Variants in PRDM2 observed in about 807,000 individuals in gnomAD.
PRDM2 encodes the protein PR domain zinc finger protein 2.
PRDM2 carries 30 observed loss-of-function variants against 130.0 expected under a neutral mutation model. The ratio of observed to expected loss-of-function variants is 0.23; its 90% confidence interval spans 0.17 to 0.31. The LOEUF is 0.31. PRDM2 is among the 10% of genes least tolerant of loss of function. The pLI is 1.00. For synonymous variants in PRDM2, 871 were observed against 782.4 expected, an observed-to-expected ratio of 1.11 and a Z score of -1.89; for missense variants, 2,011 against 2,108.4, an observed-to-expected ratio of 0.95 and a Z score of 0.90.
At chr1:13,740,098 C>G (rs1242179393) in intron 4 of PRDM2, among the ~76,000 whole-genome samples, 1 of 152,192 alleles carries the variant, frequency 6.6e-6, no homozygotes, top group African/African-American at 2.4e-5. Flanking sequence ...GCCTTAGTCT[C>G]CTTTGAAACA....
At chr1:13,743,789 C>T (rs1643522293) in intron 5 of PRDM2, among the ~76,000 whole-genome samples, 1 of 152,180 alleles carries the variant, frequency 6.6e-6, no homozygotes, top group South Asian at 2.1e-4. Context: ...CACATTTATA[C>T]CCAGGTCCTT....
At chr1:13,753,651 C>T (rs1178822556) in intron 6 of PRDM2, among the ~76,000 whole-genome samples, 2 of 152,112 alleles carry the variant, frequency 1.3e-5, no homozygotes, top group African/African-American at 2.4e-5. Flanking sequence ...AAGTGCAACA[C>T]GGATGGTATA....
intron 2 of PRDM2, among the ~76,000 whole-genome samples, chr1:13,721,039 A>AC (rs147794294): frequency 0.018 from 2,743 of 152,302 alleles, 63 homozygotes; most frequent in South Asian, 0.12. Flanking sequence ...GCCCAAGGTC[A>AC]CTACTGATCG....
chr1:13,799,467 A>G (rs1437281099), intron 8 of PRDM2, among the ~76,000 whole-genome samples: 1 of 151,992 alleles, frequency 6.6e-6, no homozygotes, highest in Non-Finnish European at 1.5e-5. Flanking sequence ...AAAAGTGAGA[A>G]CATTTTGCAA....
chr1:13,739,456 C>T (rs1444149137), intron 4 of PRDM2, among the ~76,000 whole-genome samples: 3 of 152,082 alleles, frequency 2.0e-5, no homozygotes, highest in Non-Finnish European at 4.4e-5. Context: ...AGAAATAATG[C>T]ATGTTTATTG....
At position 13,731,208 on chromosome 1, in the gene PRDM2, A is replaced by G. The variant is rs951228291; in HGVS notation, c.127+91A>G. Reference sequence around the variant, plus strand: ...CAGGGGCATGTCAGGTAGGGAGCGCACCATAAAAGCAGCAATTTACCCTTG... The same window carrying G: ...CAGGGGCATGTCAGGTAGGGAGCGCGCCATAAAAGCAGCAATTTACCCTTG... On this transcript the variant is annotated intron_variant, in intron 3 of 9. Coordinates refer to ENST00000311066, the MANE Select transcript of PRDM2 (RefSeq NM_001393986.1). 4.8e-5 allele frequency: 47 copies of G among 987,230 alleles called. No homozygotes were observed. In the Admixed American group the frequency reaches 8.9e-4, roughly 19 times the overall value. 61.2% of individuals were successfully genotyped at this position (987,230 alleles called of 1,614,324 possible).
At chr1:13,708,735 A>G (rs547650841) in intron 1 of PRDM2, among the ~76,000 whole-genome samples, 2 of 152,274 alleles carry the variant, frequency 1.3e-5, no homozygotes, top group Admixed American at 1.3e-4. Context: ...TGTATATGAT[A>G]TACTCTGTGT....
chr1:13,817,796 G>T (rs756158663), intron 9 of PRDM2, among the ~76,000 whole-genome samples: 1 of 152,020 alleles, frequency 6.6e-6, no homozygotes, highest in Non-Finnish European at 1.5e-5. Context: ...TCAGGAGATC[G>T]AGACCATCCT....
chr1:13,791,852 T>A (rs575971461), intron 8 of PRDM2, among the ~76,000 whole-genome samples: 2 of 152,258 alleles, frequency 1.3e-5, no homozygotes, highest in Non-Finnish European at 2.9e-5. Context: ...ATTTCTGCCT[T>A]CCTTATGTCA....
chr1:13,743,399 CAAAAA>C (rs70984282), intron 5 of PRDM2, among the ~76,000 whole-genome samples: 2 of 41,784 alleles, frequency 4.8e-5, no homozygotes, highest in Non-Finnish European at 8.6e-5. Flanking sequence ...GACTCTGTCT[CAAAAA>C]AAAAAAAAAA....
intron 6 of PRDM2, among the ~76,000 whole-genome samples, chr1:13,769,872 A>AATCTTCTCCCCAGGGGAC (rs1220858683): frequency 6.6e-6 from 1 of 152,158 alleles, no homozygotes; most frequent in African/African-American, 2.4e-5. Context: ...AACCTGGGGA[A>AATCTTCTCCCCAGGGGAC]ATCTTCTCCC....
intron 6 of PRDM2, among the ~76,000 whole-genome samples, chr1:13,758,179 C>G (rs1334738973): frequency 6.6e-6 from 1 of 152,046 alleles, no homozygotes; most frequent in Non-Finnish European, 1.5e-5. Context: ...CGCGGTGGCT[C>G]ACACCTGTAA....
In PRDM2 at chr1:13,780,492, C is replaced by T. The variant is rs570400575; in HGVS notation, c.2697C>T (p.Ile899=). 105 of 1,614,172 alleles carry T rather than the reference C, an allele frequency of 6.5e-5. No homozygotes were observed. The highest frequency in any genetic ancestry group is 4.2e-4 in the South Asian group (38 of 91,068). ...TTCTTCTCAATGAATATAATGGCAT[C>T]GATTTACCTGTAGAAAACCCTGCAG... The part of the protein sequence containing the change: ...QKVLLNEYNG[I]DLPVENPADG... The change falls in exon 8 of 10, where the codon ATC becomes ATT. Residue 899 remains isoleucine (I), a synonymous_variant. Coordinates refer to ENST00000311066, the MANE Select transcript of PRDM2 (RefSeq NM_001393986.1).
chr1:13,806,261 C>T lies in PRDM2; in HGVS notation c.5037-10166C>T, dbSNP rs193179798. ...CCGCCTCCATCCCTGGGCTCTGTCC[C>T]CCGCATCCCGCCTCCATCCCTGGGC... is the stretch of plus-strand genomic sequence containing the variant. On this transcript the variant is annotated intron_variant, in intron 8 of 9. Transcript: ENST00000311066. The surrounding 1 kb of genome is among the most constrained non-coding windows in gnomAD (Gnocchi z 4.1). 2.8e-3 allele frequency among the ~76,000 whole-genome samples: 433 copies of T among 152,178 alleles called. 3 individuals are homozygous for T. The highest frequency in any genetic ancestry group is 9.6e-3 in the African/African-American group (400 of 41,510).
intron 7 of PRDM2, 31 bp downstream of exon 7, chr1:13,773,219 T>C: frequency 7.7e-7 from 1 of 1,295,596 alleles, no homozygotes; most frequent in South Asian, 1.4e-5. Context: ...TGGTCTGAAT[T>C]GGGTGTGTAT....
At chr1:13,705,237 G>C (rs2495061) in intron 1 of PRDM2, 125,807 of 152,170 alleles carry the variant, frequency 0.83, 52,608 homozygotes, top group African/African-American at 0.96. Flanking sequence ...TAGTCTTTTT[G>C]ATCGGGATGG....
At chr1:13,733,761 C>G (rs1548232) in intron 4 of PRDM2, among the ~76,000 whole-genome samples, 26,522 of 152,156 alleles carry the variant, frequency 0.17, 2,918 homozygotes, top group Admixed American at 0.24. Flanking sequence ...CAAGTCAGTG[C>G]CCCCTGGAAG....
chr1:13,749,863 C>G (rs1643760355), intron 6 of PRDM2, among the ~76,000 whole-genome samples: 1 of 152,120 alleles, frequency 6.6e-6, no homozygotes, highest in Non-Finnish European at 1.5e-5. Flanking sequence ...CAGCCGCGCG[C>G]ACGGCGGGCG....
intron 6 of PRDM2, among the ~76,000 whole-genome samples, chr1:13,766,180 G>C (rs1239368576): frequency 6.6e-6 from 1 of 152,144 alleles, no homozygotes; most frequent in Non-Finnish European, 1.5e-5. Flanking sequence ...CCTAGGGTCT[G>C]TGCCCTCAGC....
Sources: gnomAD v4.1 joint callset for allele counts (sites outside exome capture counted in the v4.1 genomes callset) on GRCh38, gnomAD v4.1.1 for gene constraint, Gnocchi (gnomAD v3.1) non-coding constraint, MANE v1.5 for transcripts, NCBI Gene and HGNC (gene_info 2026-07-23, HGNC 2026-07-21) for gene names.